The following TTLL9 variants were observed in gnomAD, a reference collection of about 807,000 sequenced individuals.
TTLL9 encodes the protein tubulin tyrosine ligase like 9.
Under a neutral mutation model 65.6 loss-of-function variants are expected in TTLL9, and 47 were observed. The ratio of observed to expected loss-of-function variants is 0.72; its 90% CI spans 0.57 to 0.91. The LOEUF is 0.91. Ranked by LOEUF, TTLL9 falls within the 40% of genes least tolerant of loss-of-function variation. The pLI, the probability that TTLL9 is intolerant of heterozygous loss-of-function variation, is 0.00. For synonymous variants in TTLL9, 179 were observed against 204.8 expected, an observed-to-expected ratio of 0.87 and a Z score of 1.07; for missense variants, 537 against 568.8, an observed-to-expected ratio of 0.94 and a Z score of 0.57.
At chr20:31,892,384 G>A (rs949433442) in intron 3 of TTLL9, among the ~76,000 whole-genome samples, 21 of 151,966 alleles carry the variant, frequency 1.4e-4, no homozygotes, top group Non-Finnish European at 1.3e-4. Context: ...TGGCCAGGCT[G>A]GTCTGGAACC....
In TTLL9 at chr20:31,944,518, T is replaced by C. The variant is rs1371221935; in HGVS notation, c.*1497T>C. On this transcript the variant is annotated 3_prime_UTR_variant, in exon 15 of 15. Coordinates refer to ENST00000535842, the MANE Select transcript of TTLL9 (RefSeq NM_001008409.5). ...CACACTGTGCTTGCACAAAAATTATTAGCTTATAAGACACCAGCCTTCCCC... is the reference window on the plus strand; with the variant it reads ...CACACTGTGCTTGCACAAAAATTATCAGCTTATAAGACACCAGCCTTCCCC... 2.0e-5 allele frequency: 3 copies of C among 152,386 alleles called. No individual in the cohort carries two copies. Among genetic ancestry groups the C allele is most frequent in the African/African-American group, 4.8e-5 (2 of 41,468 alleles). 9.4% of individuals were successfully genotyped at this position (152,386 alleles called of 1,614,324 possible).
Position 31,909,942 on chromosome 20 carries a change from GGCT to G in TTLL9, c.504+22_504+24del. The G allele has an allele frequency of 6.3e-7, 1 of 1,593,994 alleles. No homozygotes were observed. Among genetic ancestry groups the G allele is most frequent in the Non-Finnish European group, 8.6e-7 (1 of 1,163,538 alleles). On this transcript the variant is annotated intron_variant, in intron 6 of 14. Coordinates refer to ENST00000535842, the MANE Select transcript of TTLL9 (RefSeq NM_001008409.5). ...AAGCCTGTGAGTGCCCAGTGCCAGG[GGCT>G]GGGTGGGAGGGAATGAGTCCCAGGT...
At chr20:31,922,415 A>C (rs1338872104) in intron 7 of TTLL9, among the ~76,000 whole-genome samples, 3 of 152,086 alleles carry the variant, frequency 2.0e-5, no homozygotes, top group Non-Finnish European at 2.9e-5. Context: ...CATCTTCCCA[A>C]ACTGAAACTC....
intron 10 of TTLL9, among the ~76,000 whole-genome samples, chr20:31,932,213 T>C (rs1025992707): frequency 1.3e-5 from 2 of 152,178 alleles, no homozygotes; most frequent in Admixed American, 6.5e-5. Flanking sequence ...GGCTTATGCC[T>C]GTAATCCCAG....
At chr20:31,895,515 T>C (rs2063370856) in intron 3 of TTLL9, among the ~76,000 whole-genome samples, 1 of 152,216 alleles carries the variant, frequency 6.6e-6, no homozygotes, top group South Asian at 2.1e-4. Context: ...TCATGACCTT[T>C]CCTGGCTCTG....
intron 11 of TTLL9, 99 bp from the exon 12 acceptor site, chr20:31,934,593 G>A: frequency 8.5e-7 from 1 of 1,174,262 alleles, no homozygotes; most frequent in Non-Finnish European, 1.2e-6. Context: ...CTCTTGCCCA[G>A]GTCTAAGGGA....
At chr20:31,874,450 C>T (rs1013252552) in intron 2 of TTLL9, among the ~76,000 whole-genome samples, 2 of 138,364 alleles carry the variant, frequency 1.4e-5, no homozygotes, top group Non-Finnish European at 3.0e-5. Context: ...CTCACTCTGT[C>T]GCCCAGGCTG....
At chr20:31,927,498 A>G (rs996809068) in intron 10 of TTLL9, among the ~76,000 whole-genome samples, 1 of 151,484 alleles carries the variant, frequency 6.6e-6, no homozygotes, top group Non-Finnish European at 1.5e-5. Flanking sequence ...AAAAAAAAAA[A>G]AAAAAAGAAA....
At chr20:31,873,846 AAGAAAG>A in intron 2 of TTLL9, among the ~76,000 whole-genome samples, 1 of 148,926 alleles carries the variant, frequency 6.7e-6, no homozygotes, top group African/African-American at 2.5e-5. Flanking sequence ...GAAAGAAAGA[AAGAAAG>A]AAAGAAAGAA....
intron 10 of TTLL9, among the ~76,000 whole-genome samples, chr20:31,926,929 A>G (rs2063915114): frequency 6.6e-6 from 1 of 151,810 alleles, no homozygotes; most frequent in Admixed American, 6.6e-5. Flanking sequence ...ACATAGTGAG[A>G]TCCTGTCTCT....
Position 31,870,647 on chromosome 20 carries a change from C to A in TTLL9, c.-308C>A. Reference sequence around the variant, plus strand: ...GGACAAAGCCCCAGTGTGCCGGGCCCACGGCCCGCGGGACAACGGCAGTTT... The same window carrying A: ...GGACAAAGCCCCAGTGTGCCGGGCCAACGGCCCGCGGGACAACGGCAGTTT... On this transcript the variant is annotated 5_prime_UTR_variant, in exon 1 of 15. Coordinates refer to ENST00000535842, the MANE Select transcript of TTLL9 (RefSeq NM_001008409.5). This position sits in a 1 kb window ranked among gnomAD's most constrained non-coding sequence, Gnocchi z 6.6. 1 of 1,289,426 alleles carries A rather than the reference C, an allele frequency of 7.8e-7. No homozygotes were observed. The highest frequency in any genetic ancestry group is 2.4e-5 in the South Asian group (1 of 41,544). 79.9% of individuals were successfully genotyped at this position (1,289,426 alleles called of 1,614,324 possible).
intron 12 of TTLL9, among the ~76,000 whole-genome samples, 199 bp downstream of exon 12, chr20:31,935,087 T>C (rs1043512077): frequency 2.0e-5 from 3 of 152,136 alleles, no homozygotes; most frequent in Admixed American, 6.5e-5. Flanking sequence ...AGGATCGTTA[T>C]GAGGAATAAG....
At chr20:31,886,745 G>A (rs1233895723) in intron 2 of TTLL9, among the ~76,000 whole-genome samples, 1 of 152,168 alleles carries the variant, frequency 6.6e-6, no homozygotes, top group African/African-American at 2.4e-5. Flanking sequence ...CTTGAACCTG[G>A]GAGGTGGAAG....
intron 5 of TTLL9, among the ~76,000 whole-genome samples, chr20:31,909,286 G>T (rs1204342484): frequency 6.6e-6 from 1 of 151,810 alleles, no homozygotes; most frequent in African/African-American, 2.4e-5. Flanking sequence ...TGAGATTACA[G>T]GTGCTCACCA....
intron 3 of TTLL9, among the ~76,000 whole-genome samples, chr20:31,893,563 T>C (rs886086983): frequency 3.3e-5 from 5 of 152,170 alleles, no homozygotes; most frequent in Non-Finnish European, 7.3e-5. Context: ...AGTTCTGGGA[T>C]TACAGGCGTA....
At chr20:31,919,997 C>T (rs376544861) in intron 7 of TTLL9, 65 bp downstream of exon 7, 1 of 1,364,640 alleles carries the variant, frequency 7.3e-7, no homozygotes, top group South Asian at 1.5e-5. Flanking sequence ...GGAGGGGCCA[C>T]TCCTTCCTGC....
chr20:31,931,877 T>G (rs972254740), intron 10 of TTLL9, among the ~76,000 whole-genome samples: 13 of 152,250 alleles, frequency 8.5e-5, no homozygotes, highest in Admixed American at 6.5e-4. Flanking sequence ...CACAGAAGTT[T>G]TTAATTCTGA....
intron 3 of TTLL9, among the ~76,000 whole-genome samples, chr20:31,887,855 CCTCTTCTCTTCTCTTCTCTTCTCTT>C: frequency 8.7e-6 from 1 of 115,052 alleles, no homozygotes; most frequent in African/African-American, 3.5e-5. Context: ...TATCTCCTCT[CCTCTTCTCTTCTCTTCTCTTCTCTT>C]CTCTTCTCTT....
intron 3 of TTLL9, 38 bp downstream of exon 3, chr20:31,887,277 C>T: frequency 6.2e-7 from 1 of 1,610,096 alleles, no homozygotes; most frequent in South Asian, 1.1e-5. Context: ...CACAGCGCAA[C>T]CAACTTCTCT....
Sources: gnomAD v4.1 joint callset for allele counts (sites outside exome capture counted in the v4.1 genomes callset) on GRCh38, gnomAD v4.1.1 for gene constraint, Gnocchi (gnomAD v3.1) non-coding constraint, MANE v1.5 for transcripts, NCBI Gene and HGNC (gene_info 2026-07-23, HGNC 2026-07-21) for gene names.